The following PSD2 variants were observed in gnomAD, a reference collection of about 807,000 sequenced individuals.
PSD2 encodes pleckstrin and Sec7 domain containing 2.
In PSD2, 38 loss-of-function variants were observed where a neutral mutation model predicts 69.8. That is an observed-to-expected ratio of 0.54 (90% CI 0.42 to 0.71). The LOEUF (loss-of-function observed/expected upper bound fraction) is 0.71, where lower values mean the gene tolerates loss of function less well. PSD2 is among the 30% of genes least tolerant of loss of function. PSD2 has a pLI of 0.00. For synonymous variants in PSD2, 412 were observed against 423.0 expected (o/e 0.97, Z 0.32); for missense variants, 943 against 1,014.5 (o/e 0.93, Z 0.96).
At chr5:139,801,331 G>A (rs909739610) in intron 1 of PSD2, among the ~76,000 whole-genome samples, 2 of 151,972 alleles carry the variant, frequency 1.3e-5, no homozygotes, top group African/African-American at 4.8e-5. Flanking sequence ...GCTCCACTCC[G>A]CTGACCTCTC....
chr5:139,790,147 G>A, the PSD2 span, among the ~76,000 whole-genome samples: 111 of 152,234 alleles, frequency 7.3e-4, no homozygotes, highest in African/African-American at 2.4e-3. Context: ...GTCTGGGCAC[G>A]GGAGCTCGCG....
intron 1 of PSD2, among the ~76,000 whole-genome samples, chr5:139,799,357 G>T (rs1409117167): frequency 2.0e-5 from 3 of 152,208 alleles, no homozygotes; most frequent in African/African-American, 7.2e-5. Flanking sequence ...AAACTTCAGG[G>T]TTGGGAGTGG....
chr5:139,780,765 T>C, the PSD2 span, among the ~76,000 whole-genome samples: 2 of 152,168 alleles, frequency 1.3e-5, no homozygotes, highest in African/African-American at 4.8e-5. Flanking sequence ...TTCCATCTTG[T>C]TGGTTTTGAA....
chr5:139,806,234 C>T (rs1256253449), intron 1 of PSD2, among the ~76,000 whole-genome samples: 1 of 152,242 alleles, frequency 6.6e-6, no homozygotes, highest in Non-Finnish European at 1.5e-5. Context: ...GGGATGGGTG[C>T]CCAGTGGCCC....
chr5:139,825,830 A>G (rs971176114), intron 7 of PSD2, among the ~76,000 whole-genome samples: 1 of 152,038 alleles, frequency 6.6e-6, no homozygotes, highest in African/African-American at 2.4e-5. Flanking sequence ...GAAGACAGAG[A>G]TGGGGTGGGG....
intron 1 of PSD2, among the ~76,000 whole-genome samples, chr5:139,801,493 T>C (rs1759673834): frequency 6.6e-6 from 1 of 152,200 alleles, no homozygotes. Flanking sequence ...TCCTACCTTG[T>C]GGGTTGCTCC....
At chr5:139,796,936 G>A (rs1469756904) in intron 1 of PSD2, among the ~76,000 whole-genome samples, 1 of 152,138 alleles carries the variant, frequency 6.6e-6, no homozygotes, top group African/African-American at 2.4e-5. Context: ...TTTGGCCAGG[G>A]CAGGTGGGCA....
intron 6 of PSD2, 71 bp from the exon 7 acceptor site, chr5:139,822,655 G>C: frequency 7.2e-7 from 1 of 1,386,598 alleles, no homozygotes; most frequent in Non-Finnish European, 9.9e-7. Context: ...CTCCTGACGG[G>C]TTCCGTCAGG....
At chr5:139,778,813 C>T in the PSD2 span, among the ~76,000 whole-genome samples, 1 of 151,832 alleles carries the variant, frequency 6.6e-6, no homozygotes, top group Non-Finnish European at 1.5e-5. Flanking sequence ...CCTATAGTCG[C>T]AGCTACTCAG....
rs548300272 is a variant in PSD2 at position 139,842,384 on chromosome 5, T to C, written c.2226T>C (p.Ser742=). 2 of 1,614,162 alleles carry C rather than the reference T, an allele frequency of 1.2e-6. No homozygotes were observed. The highest frequency in any genetic ancestry group is 4.5e-5 in the East Asian group (2 of 44,874). The change falls in exon 15 of 15, where the codon TCT becomes TCC. Residue 742 remains serine (S), a synonymous_variant. Coordinates refer to ENST00000274710, the MANE Select transcript of PSD2 (RefSeq NM_032289.4). ...CCACTCTGGAAGGGGATGACCCTTC[T>C]CTCCGGAAGACACATTCAAGCCCTG... is the stretch of plus-strand genomic sequence containing the variant. The part of the protein sequence containing the change: ...RLATLEGDDP[S]LRKTHSSPAL...
chr5:139,839,080 G>A lies in PSD2; in HGVS notation c.1968+308G>A, dbSNP rs906472660. ...CACCTGGGCACAAATGCAAGAGACC[G>A]TGTGTCACAGGGAGCTTGCACAGGT... On this transcript the variant is annotated intron_variant, in intron 13 of 14. Transcript: ENST00000274710. The surrounding 1 kb of genome is among the most constrained non-coding windows in gnomAD (Gnocchi z 5.1). Among the ~76,000 whole-genome samples, 2 of 152,246 alleles carry A rather than the reference G, an allele frequency of 1.3e-5. No homozygotes were observed. Among genetic ancestry groups the A allele is most frequent in the African/African-American group, 4.8e-5 (2 of 41,460 alleles).
At chr5:139,825,267 T>G (rs573014118) in intron 7 of PSD2, among the ~76,000 whole-genome samples, 25 of 152,296 alleles carry the variant, frequency 1.6e-4, no homozygotes, top group Middle Eastern at 3.4e-3. Flanking sequence ...GAGCCGGCCA[T>G]GGAAAGATCT....
chr5:139,825,250 T>C (rs1183581731), intron 7 of PSD2, among the ~76,000 whole-genome samples: 10 of 152,218 alleles, frequency 6.6e-5, no homozygotes, highest in Non-Finnish European at 1.5e-4. Context: ...GAGACCTGGA[T>C]CAGCGGGAGC....
chr5:139,755,042 G>C, the PSD2 span, among the ~76,000 whole-genome samples: 18 of 152,236 alleles, frequency 1.2e-4, no homozygotes, highest in Non-Finnish European at 1.5e-5. Flanking sequence ...TTATTGAGTC[G>C]CAGACAGTCC....
intron 1 of PSD2, among the ~76,000 whole-genome samples, chr5:139,797,155 G>C (rs577108002): frequency 6.6e-6 from 1 of 152,310 alleles, no homozygotes. Context: ...GAAGCTACAA[G>C]TTCTGGGGCC....
chr5:139,828,424 A>T (rs1056309069), intron 7 of PSD2, among the ~76,000 whole-genome samples: 18 of 152,262 alleles, frequency 1.2e-4, no homozygotes, highest in African/African-American at 3.4e-4. Context: ...GGCGAAGCGC[A>T]TTGGGGCTGG....
the PSD2 span, among the ~76,000 whole-genome samples, chr5:139,755,629 G>T: frequency 2.5e-5 from 3 of 119,590 alleles, no homozygotes; most frequent in South Asian, 5.9e-4. Context: ...CATCTCTGCG[G>T]CCCTGCTGTG....
the PSD2 span, among the ~76,000 whole-genome samples, chr5:139,745,519 G>A: frequency 6.6e-6 from 1 of 152,258 alleles, no homozygotes. Context: ...TCCCAGCATG[G>A]GTGGGCGGGG....
chr5:139,797,020 G>A (rs1011531127), intron 1 of PSD2, among the ~76,000 whole-genome samples: 1 of 152,000 alleles, frequency 6.6e-6, no homozygotes, highest in Non-Finnish European at 1.5e-5. Context: ...CTTAATAGTG[G>A]TTGGGGGTGG....
Sources: allele counts gnomAD v4.1 joint callset (sites outside exome capture counted in the v4.1 genomes callset), GRCh38; gene constraint gnomAD v4.1.1; non-coding constraint Gnocchi (gnomAD v3.1); transcripts MANE v1.5; gene names NCBI Gene and HGNC (gene_info 2026-07-23, HGNC 2026-07-21).